ADCY1: variants seen among roughly 807,000 people sequenced by gnomAD.
ADCY1 encodes adenylate cyclase 1.
ADCY1 carries 28 observed loss-of-function variants against 105.4 expected under a neutral mutation model. The observed-to-expected ratio is 0.27, with a 90% CI of 0.20 to 0.36. The LOEUF (loss-of-function observed/expected upper bound fraction) is 0.36, where lower values mean the gene tolerates loss of function less well. ADCY1 is among the 10% of genes least tolerant of loss of function. The pLI is 1.00. For synonymous variants in ADCY1, 655 were observed against 623.8 expected (o/e 1.05, Z -0.75); for missense variants, 977 against 1,434.2 (o/e 0.68, Z 5.15).
rs891656346 is a variant in ADCY1, at chr7:45,647,279, G to A, written c.1021-1391G>A. On this transcript the variant is annotated intron_variant, in intron 4 of 19. Transcript: ENST00000297323. The surrounding 1 kb of genome is among the most constrained non-coding windows in gnomAD (Gnocchi z 4.6). ...AACTGGGGCTCCCAGCGGTCGGTGT[G>A]GCCTGTCCCTGTCCTGACTCACTCT... Among the ~76,000 whole-genome samples the A allele has an allele frequency of 2.0e-5, 3 of 152,196 alleles. No individual in the cohort carries two copies. Among genetic ancestry groups the A allele is most frequent in the Non-Finnish European group, 4.4e-5 (3 of 68,036 alleles).
At position 45,708,364 on chromosome 7, in the gene ADCY1, C is replaced by T; in HGVS notation, c.2832C>T (p.Ile944=). 1.2e-6 allele frequency: 2 copies of T among 1,614,016 alleles called. No homozygotes were observed. The highest frequency in any genetic ancestry group is 1.7e-6 in the Non-Finnish European group (2 of 1,179,838). The change falls in exon 18 of 20, where the codon ATC becomes ATT. Residue 944 remains isoleucine, a synonymous_variant. Transcript: ENST00000297323. This position sits in a 1 kb window ranked among gnomAD's most constrained non-coding sequence, Gnocchi z 4.7. ...TTTACACCTAGGCTAAGAAGTCCAT[C>T]TCCTCCCACCTGAGCACGCTGGCGG... ...PTSGTKAKKS[I]SSHLSTLADF...
rs774581751 is a variant in ADCY1 at position 45,592,782 on chromosome 7, C to T, written c.663C>T (p.Phe221=). 1.5e-5 allele frequency: 24 copies of T among 1,614,080 alleles called. No individual in the cohort carries two copies. The highest frequency in any genetic ancestry group is 4.0e-5 in the African/African-American group (3 of 74,946). ...AGCTCGGTGCCAATGCCTTGCTCTT[C>T]GTCGGTGTGAACATGTATGGGGTCT... ...WRTLGANALL[F]VGVNMYGVFV... The change falls in exon 2 of 20, where the codon TTC becomes TTT. Residue 221 remains phenylalanine (F), a synonymous_variant. Coordinates refer to ENST00000297323, the MANE Select transcript of ADCY1 (RefSeq NM_021116.4).
At position 45,613,586 on chromosome 7, in the gene ADCY1, A is replaced by G. The variant is rs112091961; in HGVS notation, c.908+3089A>G. Among the ~76,000 whole-genome samples, 485 of 152,328 alleles carry G rather than the reference A, an allele frequency of 3.2e-3. 3 individuals carry two copies. Among genetic ancestry groups the G allele is most frequent in the Middle Eastern group, 0.017 (5 of 294 alleles). ...TATATTACATATATGATGTAAAAATATATCATTAAATATGAATATGTATAC... is the reference window on the plus strand; with the variant it reads ...TATATTACATATATGATGTAAAAATGTATCATTAAATATGAATATGTATAC... On this transcript the variant is annotated intron_variant, in intron 3 of 19. Coordinates refer to ENST00000297323, the MANE Select transcript of ADCY1 (RefSeq NM_021116.4).
chr7:45,677,711 C>T (rs796757111), intron 8 of ADCY1, among the ~76,000 whole-genome samples, 158 bp from the exon 9 acceptor site: 1 of 152,186 alleles, frequency 6.6e-6, no homozygotes, highest in South Asian at 2.1e-4. Context: ...ACTCACCTGC[C>T]ATCTCACCAC....
intron 2 of ADCY1, among the ~76,000 whole-genome samples, chr7:45,602,867 G>T (rs1793277674): frequency 6.6e-6 from 1 of 152,056 alleles, no homozygotes; most frequent in Non-Finnish European, 1.5e-5. Flanking sequence ...TGATCTTATT[G>T]TAGAAAATTA....
chr7:45,642,814 G>A (rs1437905693), intron 4 of ADCY1, among the ~76,000 whole-genome samples: 1 of 152,122 alleles, frequency 6.6e-6, no homozygotes. Flanking sequence ...CTGACATTTT[G>A]TGTTGCATTT....
At chr7:45,636,042 TA>T (rs755193669) in intron 4 of ADCY1, among the ~76,000 whole-genome samples, 5 of 152,226 alleles carry the variant, frequency 3.3e-5, no homozygotes, top group Non-Finnish European at 5.9e-5. Context: ...GTCTTCTTGA[TA>T]AATTGACTAT....
At chr7:45,608,526 CT>C (rs1348759906) in intron 2 of ADCY1, among the ~76,000 whole-genome samples, 2 of 152,220 alleles carry the variant, frequency 1.3e-5, no homozygotes, top group Non-Finnish European at 2.9e-5. Context: ...TCTGCCACAG[CT>C]GGTTCTTGCA....
intron 19 of ADCY1, among the ~76,000 whole-genome samples, chr7:45,712,067 T>G (rs1347161267): frequency 7.6e-6 from 1 of 131,632 alleles, no homozygotes; most frequent in Non-Finnish European, 1.6e-5. Flanking sequence ...AATATATATT[T>G]TATATATTAT....
chr7:45,659,116 A>AC (rs966216200), intron 6 of ADCY1, among the ~76,000 whole-genome samples: 2 of 150,762 alleles, frequency 1.3e-5, no homozygotes, highest in Non-Finnish European at 3.0e-5. Flanking sequence ...TCCTTCTCCC[A>AC]CCCCCTGCTC....
intron 3 of ADCY1, among the ~76,000 whole-genome samples, chr7:45,610,817 T>TTAGGAGGTG (rs1410966609): frequency 4.1e-5 from 2 of 48,696 alleles, no homozygotes; most frequent in African/African-American, 8.0e-5. Context: ...ATGGTGGAGG[T>TTAGGAGGTG]ATGGAGGTGA....
intron 17 of ADCY1, among the ~76,000 whole-genome samples, chr7:45,705,652 T>C (rs1216331605): frequency 6.6e-6 from 1 of 152,188 alleles, no homozygotes; most frequent in Non-Finnish European, 1.5e-5. Context: ...CTCTCTAAGA[T>C]GAGAAGCATG....
chr7:45,697,552 G>A (rs2116242850), intron 14 of ADCY1, among the ~76,000 whole-genome samples: 1 of 152,146 alleles, frequency 6.6e-6, no homozygotes, highest in South Asian at 2.1e-4. Flanking sequence ...CACCACGCCC[G>A]GCTAATTTTG....
chr7:45,704,877 C>T (rs966085370), intron 17 of ADCY1, among the ~76,000 whole-genome samples: 1 of 151,986 alleles, frequency 6.6e-6, no homozygotes, highest in Non-Finnish European at 1.5e-5. Flanking sequence ...CCTCACCCTG[C>T]CCCTGCTCCA....
At chr7:45,613,688 A>G (rs1793652893) in intron 3 of ADCY1, among the ~76,000 whole-genome samples, 1 of 152,206 alleles carries the variant, frequency 6.6e-6, no homozygotes, top group Admixed American at 6.5e-5. Flanking sequence ...ACCAAATAAG[A>G]TGAATACCCC....
Position 45,710,060 on chromosome 7 carries a change from T to A in ADCY1, c.2933-468T>A, listed in dbSNP as rs564614921. Among the ~76,000 whole-genome samples, 2 of 152,318 alleles carry A rather than the reference T, an allele frequency of 1.3e-5. No individual in the cohort carries two copies. Among genetic ancestry groups the A allele is most frequent in the South Asian group, 4.1e-4 (2 of 4,826 alleles). Reference sequence around the variant, plus strand: ...CCATCTTGCTTAGTTATGGGGCCCATACTCTAAAATAGCCATAAGGTCACA... The same window carrying A: ...CCATCTTGCTTAGTTATGGGGCCCAAACTCTAAAATAGCCATAAGGTCACA... On this transcript the variant is annotated intron_variant, in intron 18 of 19. Transcript: ENST00000297323. The surrounding 1 kb of genome is among the most constrained non-coding windows in gnomAD (Gnocchi z 4.7).
At chr7:45,595,550 C>T (rs765667262) in intron 2 of ADCY1, among the ~76,000 whole-genome samples, 1 of 152,204 alleles carries the variant, frequency 6.6e-6, no homozygotes, top group Non-Finnish European at 1.5e-5. Flanking sequence ...CGCTTCAACC[C>T]TCCGTCCCGT....
At chr7:45,584,742 G>T (rs1222763278) in intron 1 of ADCY1, among the ~76,000 whole-genome samples, 1 of 152,188 alleles carries the variant, frequency 6.6e-6, no homozygotes, top group Non-Finnish European at 1.5e-5. Context: ...GGCTTTCCAT[G>T]TGAAGCATCA....
At chr7:45,704,751 G>GT in intron 17 of ADCY1, 135 bp downstream of exon 17, 1 of 679,278 alleles carries the variant, frequency 1.5e-6, no homozygotes, top group South Asian at 1.8e-5. Flanking sequence ...CTTGAGTGCT[G>GT]TTTTTGTCCG....
Sources: allele counts gnomAD v4.1 joint callset (sites outside exome capture counted in the v4.1 genomes callset), GRCh38; gene constraint gnomAD v4.1.1; non-coding constraint Gnocchi (gnomAD v3.1); transcripts MANE v1.5; gene names NCBI Gene and HGNC (gene_info 2026-07-23, HGNC 2026-07-21).